Variants in C6 observed in about 807,000 individuals in gnomAD.
The protein encoded by C6 is complement C6.
In C6, 101 loss-of-function variants were observed where a neutral mutation model predicts 112.9. That is an observed-to-expected ratio of 0.89 (90% CI 0.76 to 1.06). The LOEUF (loss-of-function observed/expected upper bound fraction) is 1.06, where lower values mean the gene tolerates loss of function less well. C6 is among the 50% of genes least tolerant of loss of function. The pLI is 0.00. For synonymous variants in C6, 431 were observed against 384.1 expected, an observed-to-expected ratio of 1.12 and a Z score of -1.43; for missense variants, 1,202 against 1,104.6, an observed-to-expected ratio of 1.09 and a Z score of -1.25.
chr5:41,214,137 A>G (rs560968710), upstream of C6, among the ~76,000 whole-genome samples: 2 of 152,264 alleles, frequency 1.3e-5, no homozygotes, highest in African/African-American at 4.8e-5. Context: ...GAAAAGAAAA[A>G]AAACTATAGG....
At chr5:41,256,146 C>A (rs970677301) in intron 1 of C6, among the ~76,000 whole-genome samples, 3 of 152,020 alleles carry the variant, frequency 2.0e-5, no homozygotes, top group African/African-American at 7.3e-5. Flanking sequence ...GCATAGTATT[C>A]CATGGTGTAT....
intron 1 of C6, among the ~76,000 whole-genome samples, chr5:41,221,894 G>T (rs1218114155): frequency 2.0e-5 from 3 of 152,260 alleles, no homozygotes; most frequent in Non-Finnish European, 4.4e-5. Context: ...GGCCAGCGTG[G>T]TGGCTCACAC....
intron 1 of C6, among the ~76,000 whole-genome samples, chr5:41,245,255 T>C (rs975982559): frequency 5.3e-5 from 8 of 152,128 alleles, no homozygotes; most frequent in African/African-American, 1.9e-4. Context: ...AACAGCCATG[T>C]GTGGTGGCTC....
chr5:41,186,065 C>A lies in C6; in HGVS notation c.726+5G>T. ...TGGAGTTGCCACCATGCTAGGCTGT[C>A]ATACCTCAAAGCCGACATTTTCCAG... On this transcript the variant is annotated splice_donor_5th_base_variant and intron_variant, in intron 6 of 17. Coordinates refer to ENST00000337836, the MANE Select transcript of C6 (RefSeq NM_000065.5). The A allele has an allele frequency of 6.2e-7, 1 of 1,613,878 alleles. No homozygotes were observed. Among genetic ancestry groups the A allele is most frequent in the Non-Finnish European group, 8.5e-7 (1 of 1,179,868 alleles).
At chr5:41,166,285 C>T (rs190895919) in intron 9 of C6, among the ~76,000 whole-genome samples, 1 of 152,180 alleles carries the variant, frequency 6.6e-6, no homozygotes, top group Non-Finnish European at 1.5e-5. Context: ...ACTAAACCTA[C>T]CTTGTCAGCT....
chr5:41,254,077 T>C (rs554416986), intron 1 of C6, among the ~76,000 whole-genome samples: 2 of 152,232 alleles, frequency 1.3e-5, no homozygotes, highest in Admixed American at 6.5e-5. Flanking sequence ...GACTGCAATA[T>C]ATATAGGAAA....
chr5:41,242,152 C>G (rs1217806741), intron 1 of C6, among the ~76,000 whole-genome samples: 1 of 152,086 alleles, frequency 6.6e-6, no homozygotes, highest in East Asian at 1.9e-4. Flanking sequence ...GCTGTGTCCT[C>G]CCACCCAAAA....
Position 41,148,940 on chromosome 5 carries a change from C to T in C6, c.2623+301G>A, listed in dbSNP as rs1006125732. Among the ~76,000 whole-genome samples, 158 of 152,228 alleles carry T rather than the reference C, an allele frequency of 1.0e-3. 1 individual carries two copies. The highest frequency in any genetic ancestry group is 3.5e-3 in the African/African-American group (147 of 41,566). On this transcript the variant is annotated intron_variant, in intron 17 of 17. Coordinates refer to ENST00000337836, the MANE Select transcript of C6 (RefSeq NM_000065.5). ...GTGAAGGCCCTCCAAAGCTGGGACT[C>T]GGAAGGATGCCTGAAACACGAGATC...
At chr5:41,168,958 C>T (rs906089353) in intron 9 of C6, among the ~76,000 whole-genome samples, 1 of 152,148 alleles carries the variant, frequency 6.6e-6, no homozygotes, top group East Asian at 1.9e-4. Flanking sequence ...AAGGCCCTCA[C>T]ATTTCACTGT....
chr5:41,203,248 G>T lies in C6; in HGVS notation c.-18C>A. 6.2e-7 allele frequency: 1 copy of T among 1,613,908 alleles called. No homozygotes were observed. ...CTGGCCATGCCTTGAGAGCCTCCAG[G>T]CCCTAAAATGAAAGAATACATAACA... On this transcript the variant is annotated splice_region_variant and 5_prime_UTR_variant, in exon 2 of 18. Transcript: ENST00000337836.
At position 41,201,696 on chromosome 5, in the gene C6, C is replaced by G. The variant is rs1408005699; in HGVS notation, c.162G>C (p.Lys54Asn). 6.2e-6 allele frequency: 10 copies of G among 1,613,406 alleles called. No individual in the cohort carries two copies. Among genetic ancestry groups the G allele is most frequent in the South Asian group, 2.2e-5 (2 of 91,068 alleles). Reference sequence around the variant, plus strand: ...GTTCACAAAAGTTTTCCTGGTAGTACTTATCTACTACTATTTGTCTGTAAC... The same window carrying G: ...GTTCACAAAAGTTTTCCTGGTAGTAGTTATCTACTACTATTTGTCTGTAAC... ...QSRHRQIVVD[K>N]YYQENFCEQI... The change falls in exon 3 of 18, where the codon AAG becomes AAC. Residue 54 changes from lysine to asparagine, a missense_variant. Lys to Asn is a moderately conservative substitution (Grantham distance 94). Transcript: ENST00000337836.
chr5:41,240,931 C>T (rs369066366), intron 1 of C6, among the ~76,000 whole-genome samples: 6 of 152,224 alleles, frequency 3.9e-5, no homozygotes, highest in African/African-American at 7.2e-5. Context: ...CTCGGATGAC[C>T]GGCATTATTG....
chr5:41,258,709 A>C (rs1391722749), intron 1 of C6, among the ~76,000 whole-genome samples: 1 of 152,192 alleles, frequency 6.6e-6, no homozygotes. Flanking sequence ...GTAATTTATA[A>C]AGAAAAGAGG....
chr5:41,260,325 G>A (rs1741967627), intron 1 of C6, among the ~76,000 whole-genome samples: 1 of 151,802 alleles, frequency 6.6e-6, no homozygotes. Context: ...TTCAGAAAAA[G>A]GACATACTAC....
chr5:41,186,997 T>C (rs937922490), intron 5 of C6, among the ~76,000 whole-genome samples: 3 of 152,166 alleles, frequency 2.0e-5, no homozygotes, highest in Non-Finnish European at 4.4e-5. Flanking sequence ...AAAGTAGTTT[T>C]TTTGTCAAAC....
At chr5:41,151,872 A>G (rs1486324437) in intron 15 of C6, among the ~76,000 whole-genome samples, 2 of 150,500 alleles carry the variant, frequency 1.3e-5, no homozygotes, top group African/African-American at 4.9e-5. Context: ...AAAAAAAAAA[A>G]GTCCATTAGA....
At chr5:41,224,994 G>A (rs1192463484) in intron 1 of C6, among the ~76,000 whole-genome samples, 1 of 151,956 alleles carries the variant, frequency 6.6e-6, no homozygotes, top group African/African-American at 2.4e-5. Flanking sequence ...TAATCATGTT[G>A]AGCATTTTGT....
chr5:41,184,567 G>C (rs1439023157), intron 6 of C6, among the ~76,000 whole-genome samples: 2 of 152,018 alleles, frequency 1.3e-5, no homozygotes, highest in African/African-American at 4.8e-5. Flanking sequence ...TACCTCCTGG[G>C]TTCAAGCAAT....
intron 15 of C6, 39 bp from the exon 16 acceptor site, chr5:41,150,064 G>A: frequency 8.0e-7 from 1 of 1,251,916 alleles, no homozygotes; most frequent in Non-Finnish European, 1.2e-6. Context: ...ACAGTGCACA[G>A]CATGGATTCT....
Sources: allele counts gnomAD v4.1 joint callset (sites outside exome capture counted in the v4.1 genomes callset), GRCh38; gene constraint gnomAD v4.1.1; transcripts MANE v1.5; gene names NCBI Gene and HGNC (gene_info 2026-07-23, HGNC 2026-07-21).